THSD7B: variants seen among roughly 807,000 people sequenced by gnomAD.
The protein encoded by THSD7B is thrombospondin type 1 domain containing 7B.
THSD7B carries 138 observed loss-of-function variants against 213.6 expected under a neutral mutation model. The observed-to-expected ratio is 0.65, with a 90% CI of 0.56 to 0.74. The LOEUF (loss-of-function observed/expected upper bound fraction) is 0.74. Ranked by LOEUF, THSD7B falls within the 30% of genes least tolerant of loss-of-function variation. THSD7B has a pLI of 0.00. For synonymous variants in THSD7B, 742 were observed against 687.0 expected, an observed-to-expected ratio of 1.08 and a Z score of -1.25; for missense variants, 1,931 against 1,991.5, an observed-to-expected ratio of 0.97 and a Z score of 0.58.
intron 2 of THSD7B, among the ~76,000 whole-genome samples, chr2:136,957,829 G>A (rs1685153547): frequency 6.6e-6 from 1 of 152,152 alleles, no homozygotes; most frequent in African/African-American, 2.4e-5. Flanking sequence ...CAGTGTTTTA[G>A]CCTAAATATG....
At position 136,844,462 on chromosome 2, in the gene THSD7B, C is replaced by CAGAGAGAGAGAGAGAGAGAGAGAG. The variant is rs56716402; in HGVS notation, c.-35-37672_-35-37649dup. ...ACCAAGGAGGAGAGGCCACCCAAAA[C>CAGAGAGAGAGAGAGAGAGAGAGAG]AGAGAGAGAGAGAGAGAGAGAGAGA... is the stretch of plus-strand genomic sequence containing the variant. On this transcript the variant is annotated intron_variant, in intron 1 of 27. Coordinates refer to ENST00000409968, the MANE Select transcript of THSD7B (RefSeq NM_001316349.2). Among the ~76,000 whole-genome samples, 174 of 142,584 alleles carry CAGAGAGAGAGAGAGAGAGAGAGAG rather than the reference C, an allele frequency of 1.2e-3. 2 individuals carry two copies. Among genetic ancestry groups the CAGAGAGAGAGAGAGAGAGAGAGAG allele is most frequent in the Admixed American group, 1.8e-3 (26 of 14,306 alleles). The allele number at this position is 142,584 out of a possible 152,430, so 93.5% of individuals were successfully genotyped here. A position where few individuals can be genotyped will look rare whatever the true frequency, so the allele number is the denominator to read the frequency against.
chr2:137,531,343 C>T (rs969762218), intron 15 of THSD7B, among the ~76,000 whole-genome samples: 21 of 151,792 alleles, frequency 1.4e-4, no homozygotes, highest in African/African-American at 4.6e-4. Flanking sequence ...ACACTGATGC[C>T]CTTGACACAT....
intron 5 of THSD7B, among the ~76,000 whole-genome samples, chr2:137,118,618 G>A (rs1224873900): frequency 1.3e-5 from 2 of 152,062 alleles, no homozygotes; most frequent in Non-Finnish European, 2.9e-5. Flanking sequence ...ATGGAACACA[G>A]TTTAGCTCTG....
Position 137,208,114 on chromosome 2 carries a change from C to T in THSD7B, c.1724-22930C>T, listed in dbSNP as rs115400831. ...TTATCGCCAGACCAACTCAAAATTACGAAGTTTTCCAGAACTTATATACCT... is the reference window on the plus strand; with the variant it reads ...TTATCGCCAGACCAACTCAAAATTATGAAGTTTTCCAGAACTTATATACCT... On this transcript the variant is annotated intron_variant, in intron 7 of 27. Coordinates refer to ENST00000409968, the MANE Select transcript of THSD7B (RefSeq NM_001316349.2). Among the ~76,000 whole-genome samples, 832 of 152,120 alleles carry T rather than the reference C, an allele frequency of 5.5e-3. 3 individuals are homozygous for T. The highest frequency in any genetic ancestry group is 0.019 in the African/African-American group (792 of 41,526).
At chr2:136,944,977 G>C (rs139829345) in intron 2 of THSD7B, among the ~76,000 whole-genome samples, 12,512 of 152,002 alleles carry the variant, frequency 0.082, 883 homozygotes, top group African/African-American at 0.19. Flanking sequence ...CAGTTTCTTT[G>C]TAGCATCGAT....
At chr2:137,165,722 G>C (rs887317420) in intron 6 of THSD7B, among the ~76,000 whole-genome samples, 1 of 151,212 alleles carries the variant, frequency 6.6e-6, no homozygotes, top group African/African-American at 2.4e-5. Flanking sequence ...AGAAATCTAG[G>C]ATATTTATAC....
At chr2:137,653,478 T>G (rs1321381839) in intron 21 of THSD7B, among the ~76,000 whole-genome samples, 1 of 152,014 alleles carries the variant, frequency 6.6e-6, no homozygotes, top group African/African-American at 2.4e-5. Context: ...TCCCAAGTTT[T>G]GGAAAGTTTT....
chr2:137,625,094 G>T (rs1315029805), intron 20 of THSD7B, among the ~76,000 whole-genome samples: 2 of 152,088 alleles, frequency 1.3e-5, no homozygotes, highest in African/African-American at 4.8e-5. Context: ...ATCAATGATA[G>T]ACTGGATTAA....
At chr2:137,073,442 G>C (rs1026991594) in intron 3 of THSD7B, among the ~76,000 whole-genome samples, 4 of 151,798 alleles carry the variant, frequency 2.6e-5, no homozygotes, top group East Asian at 3.9e-4. Context: ...TGTGGGATCA[G>C]TGGTGATATC....
At position 137,242,579 on chromosome 2, in the gene THSD7B, G is replaced by A. The variant is rs751323305; in HGVS notation, c.2266+7G>A. ...CCAAGGATGTGCCAAGCAGGTAGGT[G>A]GATGCTGCGTTCTTAGTTCTTTCTT... is the stretch of plus-strand genomic sequence containing the variant. On this transcript the variant is annotated splice_region_variant and intron_variant, in intron 10 of 27. Transcript: ENST00000409968. The A allele has an allele frequency of 3.1e-6, 5 of 1,601,038 alleles. No homozygotes were observed. The highest frequency in any genetic ancestry group is 4.3e-6 in the Non-Finnish European group (5 of 1,168,458).
intron 2 of THSD7B, among the ~76,000 whole-genome samples, chr2:137,041,555 A>G (rs1392184973): frequency 6.6e-6 from 1 of 150,712 alleles, no homozygotes; most frequent in East Asian, 1.9e-4. Context: ...TATAAAATAC[A>G]TAACACATAT....
intron 12 of THSD7B, among the ~76,000 whole-genome samples, chr2:137,311,674 T>C (rs886891553): frequency 6.6e-6 from 1 of 151,924 alleles, no homozygotes. Context: ...TTTTGAGATA[T>C]GTCCCATCAA....
intron 15 of THSD7B, among the ~76,000 whole-genome samples, chr2:137,549,352 G>T (rs1573700761): frequency 1.1e-5 from 1 of 93,642 alleles, no homozygotes; most frequent in East Asian, 3.3e-4. Context: ...GAGATAGAAA[G>T]TTTTCCGTTT....
In THSD7B at chr2:136,998,959, C is replaced by CA. The variant is rs1558882062; in HGVS notation, c.140-57461_140-57460insA. Among the ~76,000 whole-genome samples, 112 of 146,532 alleles carry CA rather than the reference C, an allele frequency of 7.6e-4. 2 individuals are homozygous for CA. The highest frequency in any genetic ancestry group is 5.5e-3 in the Admixed American group (80 of 14,526). Reference sequence around the variant, plus strand: ...ACACACACACACACACACACACACACCCCTGCTTTCTTTTTATCCAAGTCT... The same window carrying CA: ...ACACACACACACACACACACACACACACCCTGCTTTCTTTTTATCCAAGTCT... On this transcript the variant is annotated intron_variant, in intron 2 of 27. Transcript: ENST00000409968.
chr2:137,135,321 T>C (rs1043105765), intron 5 of THSD7B, among the ~76,000 whole-genome samples: 3 of 152,200 alleles, frequency 2.0e-5, no homozygotes, highest in African/African-American at 7.2e-5. Context: ...CCTTATAACA[T>C]TATTATAATG....
chr2:137,438,100 C>T (rs917308202), intron 14 of THSD7B, among the ~76,000 whole-genome samples: 1 of 152,094 alleles, frequency 6.6e-6, no homozygotes, highest in African/African-American at 2.4e-5. Context: ...TTGTTCCAGA[C>T]CATCTGATCT....
At chr2:136,856,380 A>G (rs1683181389) in intron 1 of THSD7B, among the ~76,000 whole-genome samples, 1 of 152,202 alleles carries the variant, frequency 6.6e-6, no homozygotes. Context: ...AAAGGGTCTT[A>G]GTATTGCATT....
At chr2:136,956,497 T>G (rs1465826046) in intron 2 of THSD7B, among the ~76,000 whole-genome samples, 3 of 151,792 alleles carry the variant, frequency 2.0e-5, no homozygotes, top group Non-Finnish European at 2.9e-5. Context: ...TTTAAATTTT[T>G]TTATTTTTTA....
intron 5 of THSD7B, among the ~76,000 whole-genome samples, chr2:137,143,055 A>G (rs1199357839): frequency 2.0e-5 from 3 of 152,172 alleles, no homozygotes; most frequent in South Asian, 2.1e-4. Flanking sequence ...CCAAAAGGCT[A>G]TAAGAGTATC....
Sources: gnomAD v4.1 joint callset for allele counts (sites outside exome capture counted in the v4.1 genomes callset) on GRCh38, gnomAD v4.1.1 for gene constraint, MANE v1.5 for transcripts, NCBI Gene and HGNC (gene_info 2026-07-23, HGNC 2026-07-21) for gene names.